The following RGL1 variants were observed in gnomAD, a reference collection of about 807,000 sequenced individuals.
The protein encoded by RGL1 is ral guanine nucleotide dissociation stimulator like 1.
Under a neutral mutation model 95.2 loss-of-function variants are expected in RGL1, and 24 were observed. That is an observed-to-expected ratio of 0.25 (90% CI 0.18 to 0.35). The LOEUF is 0.35. RGL1 is among the 10% of genes least tolerant of loss of function. The pLI is 1.00. For synonymous variants in RGL1, 329 were observed against 344.9 expected (o/e 0.95, Z 0.51); for missense variants, 715 against 936.3 (o/e 0.76, Z 3.08).
intron 1 of RGL1, among the ~76,000 whole-genome samples, chr1:183,638,418 A>G (rs1649691681): frequency 6.6e-6 from 1 of 152,206 alleles, no homozygotes; most frequent in Admixed American, 6.5e-5. Context: ...CTAGTCAATG[A>G]TTTAATGATC....
intron 2 of RGL1, among the ~76,000 whole-genome samples, chr1:183,776,172 G>A (rs1471735052): frequency 3.6e-5 from 5 of 139,524 alleles, no homozygotes; most frequent in African/African-American, 8.1e-5. Context: ...TTTTTGAGAC[G>A]GAGTCTCGCT....
chr1:183,872,466 G>A (rs892128562), intron 4 of RGL1, among the ~76,000 whole-genome samples: 3 of 152,138 alleles, frequency 2.0e-5, no homozygotes, highest in African/African-American at 4.8e-5. Flanking sequence ...GGAGTGCCAA[G>A]TTTTGTTTTC....
intron 2 of RGL1, among the ~76,000 whole-genome samples, chr1:183,778,877 C>T (rs1558202079): frequency 6.6e-6 from 1 of 152,178 alleles, no homozygotes; most frequent in Non-Finnish European, 1.5e-5. Flanking sequence ...TTCAGTGCTC[C>T]TTTGAAGACA....
In RGL1 at chr1:183,916,615, C is replaced by T. The variant is rs773174503; in HGVS notation, c.1918C>T (p.Pro640Ser). 1.2e-6 allele frequency: 2 copies of T among 1,613,896 alleles called. No homozygotes were observed. Among genetic ancestry groups the T allele is most frequent in the African/African-American group, 1.3e-5 (1 of 74,856 alleles). ...GTCCATTACCTCGACTGTGCTGCCTCCTGTTTACAACCAACAGAATGAAGA... is the reference window on the plus strand; with the variant it reads ...GTCCATTACCTCGACTGTGCTGCCTTCTGTTTACAACCAACAGAATGAAGA... ...VTSITSTVLPPVYNQQNEDTC... is the reference protein window; with the variant it reads ...VTSITSTVLPSVYNQQNEDTC... Residue 640 changes from proline (P) to serine (S), a missense_variant, in exon 16 of 18, where the codon CCT (proline) becomes TCT (serine). Transcript: ENST00000360851.
intron 2 of RGL1, among the ~76,000 whole-genome samples, chr1:183,826,452 T>G (rs1662864093): frequency 6.6e-6 from 1 of 152,220 alleles, no homozygotes. Flanking sequence ...GTAAGTTCCA[T>G]GAGGACATGG....
chr1:183,778,383 A>G (rs78151551), intron 2 of RGL1, among the ~76,000 whole-genome samples: 2,506 of 152,342 alleles, frequency 0.016, 35 homozygotes, highest in South Asian at 0.044. Flanking sequence ...AAACATAAAC[A>G]GGAGAGGGAA....
At chr1:183,694,102 G>T (rs1473499397) in intron 1 of RGL1, among the ~76,000 whole-genome samples, 2 of 152,200 alleles carry the variant, frequency 1.3e-5, no homozygotes, top group African/African-American at 2.4e-5. Context: ...TTCTGAATGG[G>T]TGTTGCTGTG....
chr1:183,841,902 A>AT (rs1664085691), intron 2 of RGL1, among the ~76,000 whole-genome samples: 1 of 152,122 alleles, frequency 6.6e-6, no homozygotes, highest in African/African-American at 2.4e-5. Flanking sequence ...TGCAGTTTGG[A>AT]TTTTCAGAAT....
chr1:183,802,390 T>C (rs1489979349), upstream of RGL1, among the ~76,000 whole-genome samples: 1 of 152,218 alleles, frequency 6.6e-6, no homozygotes, highest in Non-Finnish European at 1.5e-5. Flanking sequence ...AGCTTTACTC[T>C]TCTTTTTCAA....
chr1:183,690,202 A>T (rs543171232), intron 1 of RGL1, among the ~76,000 whole-genome samples: 1 of 152,192 alleles, frequency 6.6e-6, no homozygotes, highest in Non-Finnish European at 1.5e-5. Context: ...ACTCTGGGAG[A>T]CCACAGACAC....
intron 1 of RGL1, among the ~76,000 whole-genome samples, chr1:183,659,216 T>C (rs895760753): frequency 6.6e-6 from 1 of 152,200 alleles, no homozygotes; most frequent in Admixed American, 6.5e-5. Flanking sequence ...AGAATGACTT[T>C]GACGAATTGA....
intron 1 of RGL1, among the ~76,000 whole-genome samples, chr1:183,679,302 T>C (rs1653040135): frequency 6.6e-6 from 1 of 152,114 alleles, no homozygotes; most frequent in South Asian, 2.1e-4. Flanking sequence ...GTTTGTTACA[T>C]AGGTATACAT....
At chr1:183,648,420 T>A (rs1437490074) in intron 1 of RGL1, 3 of 1,614,046 alleles carry the variant, frequency 1.9e-6, no homozygotes, top group Non-Finnish European at 1.7e-6. Flanking sequence ...GTTGTTGGAA[T>A]ACAGAATGAT....
At chr1:183,900,301 T>G in intron 11 of RGL1, 65 bp downstream of exon 11, 1 of 1,259,122 alleles carries the variant, frequency 7.9e-7, no homozygotes, top group Non-Finnish European at 1.2e-6. Context: ...TAAAGAGTAG[T>G]TAACTTCTCT....
At chr1:183,771,904 A>T (rs12047838) in intron 2 of RGL1, among the ~76,000 whole-genome samples, 5,706 of 152,302 alleles carry the variant, frequency 0.037, 118 homozygotes, top group East Asian at 0.08. Flanking sequence ...GGAGGAAGAC[A>T]CAAGTGGCTG....
chr1:183,901,881 A>T (rs1221567923), intron 11 of RGL1, among the ~76,000 whole-genome samples: 1 of 152,250 alleles, frequency 6.6e-6, no homozygotes, highest in African/African-American at 2.4e-5. Flanking sequence ...CCTTGTTATC[A>T]TATGCAACCA....
At chr1:183,849,121 G>C (rs113773039) in intron 3 of RGL1, among the ~76,000 whole-genome samples, 2,810 of 152,024 alleles carry the variant, frequency 0.018, 41 homozygotes, top group Non-Finnish European at 0.029. Flanking sequence ...ATCTTGTCCT[G>C]TTGTCCAGAC....
At chr1:183,906,903 T>G in intron 13 of RGL1, 109 bp from the exon 14 acceptor site, 1 of 710,456 alleles carries the variant, frequency 1.4e-6, no homozygotes. Context: ...ATATCTTTAC[T>G]TTGAACAATT....
rs1452370827 is a variant in RGL1, at chr1:183,912,111, G to A, written c.1592G>A (p.Ser531Asn). The A allele has an allele frequency of 6.2e-7, 1 of 1,613,932 alleles. No homozygotes were observed. Among genetic ancestry groups the A allele is most frequent in the Admixed American group, 1.7e-5 (1 of 59,998 alleles). The change falls in exon 15 of 18, where the codon AGT becomes AAT. Residue 531 changes from serine to asparagine, a missense_variant. Transcript: ENST00000360851. ...LLFLGSDMIT[S>N]PTPTKEQPKS... ...TTTCTAGGGTCTGACATGATCACCA[G>A]TCCCACTCCCACCAAAGAGCAGCCC...
Sources: gnomAD v4.1 joint callset for allele counts (sites outside exome capture counted in the v4.1 genomes callset) on GRCh38, gnomAD v4.1.1 for gene constraint, MANE v1.5 for transcripts, NCBI Gene and HGNC (gene_info 2026-07-23, HGNC 2026-07-21) for gene names.